The following DENND1A variants were observed in gnomAD, a reference collection of about 807,000 sequenced individuals.
DENND1A encodes DENN domain containing 1A.
Under a neutral mutation model 113.7 loss-of-function variants are expected in DENND1A, and 51 were observed. The ratio of observed to expected loss-of-function variants is 0.45; its 90% CI spans 0.36 to 0.57. The LOEUF (loss-of-function observed/expected upper bound fraction) is 0.57, where lower values mean the gene tolerates loss of function less well. DENND1A is among the 20% of genes least tolerant of loss of function. The pLI is 0.00. For synonymous variants in DENND1A, 565 were observed against 570.8 expected (o/e 0.99, Z 0.14); for missense variants, 1,258 against 1,395.9 (o/e 0.90, Z 1.57).
At chr9:123,531,191 G>A (rs577983575) in intron 13 of DENND1A, among the ~76,000 whole-genome samples, 18 of 152,106 alleles carry the variant, frequency 1.2e-4, no homozygotes, top group Admixed American at 2.0e-4. Flanking sequence ...TTTTGTAGCC[G>A]TAGTATTCCT....
intron 9 of DENND1A, among the ~76,000 whole-genome samples, chr9:123,650,511 G>A (rs951683277): frequency 6.6e-6 from 1 of 152,080 alleles, no homozygotes; most frequent in Non-Finnish European, 1.5e-5. Flanking sequence ...TCTACTCCCA[G>A]TCAATTTCTG....
chr9:123,419,670 TCTG>T (rs1483819077), intron 19 of DENND1A, among the ~76,000 whole-genome samples: 1 of 152,250 alleles, frequency 6.6e-6, no homozygotes, highest in Non-Finnish European at 1.5e-5. Flanking sequence ...GGACTGGAAA[TCTG>T]CTATTATGCA....
At chr9:123,470,579 T>G (rs1183905887) in intron 13 of DENND1A, among the ~76,000 whole-genome samples, 3 of 152,050 alleles carry the variant, frequency 2.0e-5, no homozygotes, top group East Asian at 3.9e-4. Flanking sequence ...TGAAACGCAA[T>G]CAGCCGCAGA....
At chr9:123,778,455 C>A (rs1830768795) in intron 3 of DENND1A, among the ~76,000 whole-genome samples, 1 of 152,190 alleles carries the variant, frequency 6.6e-6, no homozygotes, top group Admixed American at 6.5e-5. Flanking sequence ...AGGTAAGTCA[C>A]TCTTTCAAAG....
intron 2 of DENND1A, among the ~76,000 whole-genome samples, chr9:123,818,565 C>CAT (rs1366921470): frequency 6.6e-5 from 3 of 45,480 alleles, no homozygotes; most frequent in Non-Finnish European, 2.0e-4. Flanking sequence ...CACACACACA[C>CAT]ACATATATAT....
intron 11 of DENND1A, among the ~76,000 whole-genome samples, chr9:123,601,296 C>T (rs1295836315): frequency 1.3e-5 from 2 of 152,238 alleles, no homozygotes; most frequent in African/African-American, 4.8e-5. Flanking sequence ...CCTTTGATTA[C>T]ATAAATTACT....
At chr9:123,583,402 C>T in intron 11 of DENND1A, 132 bp from the exon 12 acceptor site, 1 of 596,812 alleles carries the variant, frequency 1.7e-6, no homozygotes, top group East Asian at 2.9e-5. Context: ...GCAGCAGGCC[C>T]AATGGTAGGA....
rs192548601 is a variant in DENND1A at position 123,620,131 on chromosome 9, T to C, written c.719+10245A>G. On this transcript the variant is annotated intron_variant, in intron 10 of 23. Coordinates refer to ENST00000394215, the MANE Select transcript of DENND1A (RefSeq NM_001352964.2). Reference sequence around the variant, plus strand: ...TGGGAGGCTGAGGCAGAAGAATTGCTTGAACCCAGGAGGCGAAGGTTGCAG... The same window carrying C: ...TGGGAGGCTGAGGCAGAAGAATTGCCTGAACCCAGGAGGCGAAGGTTGCAG... Among the ~76,000 whole-genome samples, 227 of 143,948 alleles carry C rather than the reference T, an allele frequency of 1.6e-3. 2 individuals carry two copies. The highest frequency in any genetic ancestry group is 5.5e-3 in the Admixed American group (74 of 13,566). 94.4% of individuals were successfully genotyped at this position (143,948 alleles called of 152,430 possible).
At chr9:123,718,098 A>G (rs925051491) in intron 5 of DENND1A, among the ~76,000 whole-genome samples, 15 of 152,202 alleles carry the variant, frequency 9.9e-5, no homozygotes, top group Admixed American at 5.2e-4. Context: ...CCTGACAGAT[A>G]CATTTTGTAA....
intron 11 of DENND1A, among the ~76,000 whole-genome samples, chr9:123,598,231 C>A (rs749166887): frequency 6.6e-6 from 1 of 152,102 alleles, no homozygotes; most frequent in South Asian, 2.1e-4. Flanking sequence ...GCTAATGGCA[C>A]GGCCAAAATC....
intron 13 of DENND1A, among the ~76,000 whole-genome samples, chr9:123,552,045 G>GAGAGAGAGAGAC (rs2057112411): frequency 6.7e-6 from 1 of 148,580 alleles, no homozygotes; most frequent in African/African-American, 2.4e-5. Context: ...GAGACAGAGA[G>GAGAGAGAGAGAC]AGAGAGAGAG....
chr9:123,833,526 G>C lies in DENND1A; in HGVS notation c.89-40896C>G, dbSNP rs538863228. 5.9e-5 allele frequency among the ~76,000 whole-genome samples: 9 copies of C among 152,158 alleles called. No individual in the cohort carries two copies. In the South Asian group the frequency reaches 1.7e-3, roughly 28 times the overall value. ...TCCTAATTCCCAAGACCTACTCTGA[G>C]CTTTTTTAGGCATAATACATGAATT... On this transcript the variant is annotated intron_variant, in intron 2 of 23. Coordinates refer to ENST00000394215, the MANE Select transcript of DENND1A (RefSeq NM_001352964.2).
chr9:123,738,407 G>A (rs989330477), intron 5 of DENND1A, among the ~76,000 whole-genome samples: 3 of 151,366 alleles, frequency 2.0e-5, no homozygotes, highest in African/African-American at 7.3e-5. Context: ...TGTCCCTAGA[G>A]CCATAAAGAA....
rs149514673 is a variant in DENND1A, at chr9:123,818,867, T to G, written c.89-26237A>C. Among the ~76,000 whole-genome samples, 20 of 152,270 alleles carry G rather than the reference T, an allele frequency of 1.3e-4. No homozygotes were observed. The East Asian group carries it at 3.9e-3, about 29-fold the overall frequency. On this transcript the variant is annotated intron_variant, in intron 2 of 23. Transcript: ENST00000394215. ...ACAAAACTATTTAGACTACTAAGTGTCTTATAAGGGACTGATTAAACGAAT... is the reference window on the plus strand; with the variant it reads ...ACAAAACTATTTAGACTACTAAGTGGCTTATAAGGGACTGATTAAACGAAT...
intron 11 of DENND1A, among the ~76,000 whole-genome samples, chr9:123,590,279 TG>T (rs1250614368): frequency 6.6e-6 from 1 of 152,146 alleles, no homozygotes; most frequent in Non-Finnish European, 1.5e-5. Flanking sequence ...TACAGGCTTT[TG>T]GGGGTTGGGA....
chr9:123,720,525 G>T (rs974730940), intron 5 of DENND1A, among the ~76,000 whole-genome samples: 1 of 152,138 alleles, frequency 6.6e-6, no homozygotes, highest in Non-Finnish European at 1.5e-5. Flanking sequence ...CAGGAGATTT[G>T]CCCCTCTGAT....
chr9:123,799,555 G>A (rs937496781), intron 2 of DENND1A, among the ~76,000 whole-genome samples: 1 of 152,140 alleles, frequency 6.6e-6, no homozygotes, highest in Non-Finnish European at 1.5e-5. Context: ...GTTCCACGAA[G>A]AAGTAGTAGA....
At chr9:123,620,626 T>C (rs1320103896) in intron 10 of DENND1A, among the ~76,000 whole-genome samples, 1 of 152,208 alleles carries the variant, frequency 6.6e-6, no homozygotes, top group Non-Finnish European at 1.5e-5. Flanking sequence ...CAAATCTCAG[T>C]TGAGGAATTA....
At chr9:123,436,558 T>TA (rs760591405) in intron 19 of DENND1A, among the ~76,000 whole-genome samples, 2 of 152,210 alleles carry the variant, frequency 1.3e-5, no homozygotes, top group Non-Finnish European at 2.9e-5. Flanking sequence ...AAAGCCTCTC[T>TA]AAACTGCGAC....
Sources: gnomAD v4.1 joint callset for allele counts (sites outside exome capture counted in the v4.1 genomes callset) on GRCh38, gnomAD v4.1.1 for gene constraint, MANE v1.5 for transcripts, NCBI Gene and HGNC (gene_info 2026-07-23, HGNC 2026-07-21) for gene names.